The following HDAC6 variants were observed in gnomAD, a reference collection of about 807,000 sequenced individuals.
HDAC6 encodes the protein protein deacetylase HDAC6.
HDAC6 carries 5 observed loss-of-function variants against 88.9 expected under a neutral mutation model. The observed-to-expected ratio is 0.06, with a 90% CI of 0.03 to 0.12. HDAC6 has a LOEUF of 0.12. Ranked by LOEUF, HDAC6 falls within the 10% of genes least tolerant of loss-of-function variation. The pLI is 1.00. For missense variants in HDAC6, 706 were observed against 1,014.4 expected (o/e 0.70, Z 4.13); for synonymous variants, 378 against 398.0 (o/e 0.95, Z 0.60).
rs1602281247 is a variant in HDAC6 at position 48,823,148 on chromosome X, G to A, written c.2749G>A (p.Gly917Arg). 8.3e-7 allele frequency: 1 copy of A among 1,208,722 alleles called. No homozygotes were observed. Among genetic ancestry groups the A allele is most frequent in the Non-Finnish European group, 1.1e-6 (1 of 893,951 alleles). Residue 917 changes from glycine (G) to arginine (R), a missense_variant, in exon 25 of 29, where the codon GGA becomes AGA. Transcript: ENST00000334136. ...CCAGCCCTCAGAGGCAGCCACAGGG[G>A]GAGCCACTCTGGCCCAGACCATTTC... ...QDQPSEAATG[G>R]ATLAQTISEA...
At position 48,818,256 on chromosome X, in the gene HDAC6, C is replaced by T. The variant is rs979614936; in HGVS notation, c.2031C>T (p.Gly677=). 3.3e-6 allele frequency: 4 copies of T among 1,195,361 alleles called. No individual in the cohort carries two copies. Among genetic ancestry groups the T allele is most frequent in the Non-Finnish European group, 3.4e-6 (3 of 886,789 alleles). ...TGTCCCTGCACCGCTATGATCATGG[C>T]ACCTTCTTCCCCATGGGGGATGAGG... The part of the protein sequence containing the change: ...LYVSLHRYDH[G]TFFPMGDEGA... Residue 677 remains glycine (G), a synonymous_variant, in exon 22 of 29, where the codon GGC becomes GGT. Transcript: ENST00000334136.
In HDAC6 at chrX:48,805,532, C is replaced by A; in HGVS notation, c.396+10C>A. The A allele has an allele frequency of 3.3e-6, 4 of 1,202,266 alleles. No homozygotes were observed. The South Asian group carries it at 5.3e-5, about 16-fold the overall frequency. ...CTGCGTGTCCTTTCAGGTAAGGCCC[C>A]CAAGCCAACACTCTGGGTGAAGGGC... On this transcript the variant is annotated intron_variant, in intron 5 of 28. Coordinates refer to ENST00000334136, the MANE Select transcript of HDAC6 (RefSeq NM_006044.4).
In HDAC6 at chrX:48,802,798, AC is replaced by A; in HGVS notation, c.93+16del. Reference sequence around the variant, plus strand: ...CAGTGTCACTTCGGTGAGGCCCTAGACCCGCCCTGATGAGGGGGAGAGGGAG... The same window carrying A: ...CAGTGTCACTTCGGTGAGGCCCTAGACCGCCCTGATGAGGGGGAGAGGGAG... On this transcript the variant is annotated intron_variant, in intron 2 of 28. Transcript: ENST00000334136. 1 of 1,205,848 alleles carries A rather than the reference AC, an allele frequency of 8.3e-7. No individual in the cohort carries two copies. Among genetic ancestry groups the A allele is most frequent in the Non-Finnish European group, 1.1e-6 (1 of 892,549 alleles).
chrX:48,801,799 A>G, upstream of HDAC6: 1 of 937,199 alleles, frequency 1.1e-6, no homozygotes, highest in Middle Eastern at 4.1e-4. Flanking sequence ...TCCCCTCTGG[A>G]GGCGGGATCT....
At chrX:48,802,588 G>T in intron 1 of HDAC6, 75 bp from the exon 2 acceptor site, 4 of 1,154,184 alleles carry the variant, frequency 3.5e-6, no homozygotes, top group Non-Finnish European at 4.6e-6. Flanking sequence ...GCGGAGCCTG[G>T]AAAAGGGCAG....
intron 22 of HDAC6, 88 bp from the exon 23 acceptor site, chrX:48,820,018 T>C (rs1462414448): frequency 1.0e-6 from 1 of 952,748 alleles, no homozygotes; most frequent in East Asian, 3.1e-5. Context: ...CATTTGTCCT[T>C]TTCTCCATGT....
chrX:48,806,085 A>G (rs2062813311), intron 6 of HDAC6: 1 of 358,791 alleles, frequency 2.8e-6, no homozygotes, highest in East Asian at 4.9e-5. Context: ...AAAAAGAGTG[A>G]GTCAGATGAA....
chrX:48,815,173 GTCACT>G (rs2062963132), intron 14 of HDAC6, 122 bp downstream of exon 14: 2 of 625,473 alleles, frequency 3.2e-6, no homozygotes, highest in Admixed American at 2.8e-5. Context: ...CCTTGCATAA[GTCACT>G]TCACTTCTTT....
intron 10 of HDAC6, among the ~76,000 whole-genome samples, chrX:48,811,334 TGTC>T (rs2062898504): frequency 8.9e-6 from 1 of 112,254 alleles, no homozygotes; most frequent in Non-Finnish European, 1.9e-5. Flanking sequence ...TTTCTTCTGT[TGTC>T]TGAGTTATGT....
Position 48,815,500 on chromosome X carries a change from G to T in HDAC6, c.1256+10G>T, listed in dbSNP as rs782213865. The T allele has an allele frequency of 8.4e-7, 1 of 1,195,880 alleles. No individual in the cohort carries two copies. Among genetic ancestry groups the T allele is most frequent in the African/African-American group, 1.8e-5 (1 of 56,830 alleles). Reference sequence around the variant, plus strand: ...GTGCCCCCTGCCGGAGGTGAGCCCCGGTGGAGGAGGGGAAAGCGGGAGCCT... The same window carrying T: ...GTGCCCCCTGCCGGAGGTGAGCCCCTGTGGAGGAGGGGAAAGCGGGAGCCT... On this transcript the variant is annotated intron_variant, in intron 15 of 28. Transcript: ENST00000334136.
chrX:48,813,231 C>T (rs1398433504), intron 10 of HDAC6: 1 of 112,073 alleles, frequency 8.9e-6, no homozygotes. Context: ...TTTTTATGTC[C>T]TACTGTGTTT....
intron 6 of HDAC6, 133 bp downstream of exon 6, chrX:48,805,804 C>G (rs1428062708): frequency 1.9e-6 from 1 of 516,298 alleles, no homozygotes; most frequent in Non-Finnish European, 3.3e-6. Flanking sequence ...CTTTCTGAAT[C>G]TGTGTCATCG....
At chrX:48,819,898 T>G in intron 22 of HDAC6, 1 of 508,086 alleles carries the variant, frequency 2.0e-6, no homozygotes, top group South Asian at 2.5e-5. Context: ...TTCTTCTACC[T>G]CTGAGTCTGT....
intron 22 of HDAC6, 107 bp downstream of exon 22, chrX:48,818,519 T>C (rs1557028597): frequency 1.5e-6 from 1 of 656,253 alleles, no homozygotes; most frequent in South Asian, 3.0e-5. Context: ...TGGCTGATGA[T>C]ATGAGACAGC....
chrX:48,810,249 A>T (rs1407375737), intron 10 of HDAC6, among the ~76,000 whole-genome samples: 1 of 109,592 alleles, frequency 9.1e-6, no homozygotes, highest in Non-Finnish European at 1.9e-5. Flanking sequence ...CTAATTTTTT[A>T]AATTATTTGT....
At chrX:48,814,610 C>T (rs1557026798) in intron 11 of HDAC6, 44 bp downstream of exon 11, 1 of 1,207,473 alleles carries the variant, frequency 8.3e-7, no homozygotes, top group South Asian at 1.8e-5. Flanking sequence ...GGCCCAGCCC[C>T]GCCCTTCTGT....
At position 48,822,777 on chromosome X, in the gene HDAC6, G is replaced by A. The variant is rs61735967; in HGVS notation, c.2495G>A (p.Arg832His). 0.032 allele frequency: 38,514 copies of A among 1,198,871 alleles called. 505 individuals carry two copies. Among genetic ancestry groups the A allele is most frequent in the Non-Finnish European group, 0.038 (33,860 of 888,449 alleles). Residue 832 changes from arginine to histidine, a missense_variant, in exon 24 of 29, where the codon CGC becomes CAC. Physicochemically the swap from Arg to His is conservative, Grantham distance 29. Around this residue, in one of 9 missense-constraint regions of HDAC6, gnomAD observed 138 missense variants for 303.5 expected, o/e 0.45. Coordinates refer to ENST00000334136, the MANE Select transcript of HDAC6 (RefSeq NM_006044.4). ...ETIQVHRRYW[R>H]SLRVMKVEDR... Reference sequence around the variant, plus strand: ...ATCCAAGTCCATCGCAGATACTGGCGCAGCTTACGGGTCATGAGTGAGTGG... The same window carrying A: ...ATCCAAGTCCATCGCAGATACTGGCACAGCTTACGGGTCATGAGTGAGTGG...
At chrX:48,815,788 C>A in intron 16 of HDAC6, 96 bp from the exon 17 acceptor site, 1 of 1,047,743 alleles carries the variant, frequency 9.5e-7, no homozygotes, top group Non-Finnish European at 1.3e-6. Context: ...TGGTTTCAGG[C>A]CTCCCACCCC....
chrX:48,819,972 G>A (rs781824701), intron 22 of HDAC6, 134 bp from the exon 23 acceptor site: 10 of 616,075 alleles, frequency 1.6e-5, no homozygotes, highest in Admixed American at 1.5e-4. Context: ...TCCAGGTTCT[G>A]TGTCTCCATC....
Sources: gnomAD v4.1 joint callset for allele counts (sites outside exome capture counted in the v4.1 genomes callset) on GRCh38, gnomAD v4.1.1 for gene constraint, gnomAD v4.1.1 regional missense constraint, MANE v1.5 for transcripts, NCBI Gene and HGNC (gene_info 2026-07-23, HGNC 2026-07-21) for gene names.